Variants in GALNT14 observed in about 807,000 individuals in gnomAD.
GALNT14 encodes polypeptide N-acetylgalactosaminyltransferase 14, also known as UDP-GalNAc:polypeptide N-acetylgalactosaminyltransferase 14.
A neutral mutation model predicts 77.5 loss-of-function variants in GALNT14; 60 were observed. That is an observed-to-expected ratio of 0.77 (90% CI 0.63 to 0.96). The LOEUF is 0.96. Among genes scored for constraint, GALNT14 ranks in the 40% least tolerant of loss-of-function variants. GALNT14 has a pLI of 0.00. For missense variants in GALNT14, 710 were observed against 731.0 expected, an observed-to-expected ratio of 0.97 and a Z score of 0.33; for synonymous variants, 280 against 281.7, an observed-to-expected ratio of 0.99 and a Z score of 0.06.
chr2:31,068,147 C>T (rs1675104549), intron 1 of GALNT14, among the ~76,000 whole-genome samples: 1 of 152,142 alleles, frequency 6.6e-6, no homozygotes, highest in African/African-American at 2.4e-5. Context: ...CCAGCAGACC[C>T]CTATGTTCCA....
In GALNT14 at chr2:30,958,517, T is replaced by TG. The variant is rs1240536006; in HGVS notation, c.399-54dup. 7.8e-6 allele frequency: 11 copies of TG among 1,413,100 alleles called. No individual in the cohort carries two copies. In the African/African-American group the frequency reaches 1.6e-4, roughly 20 times the overall value. The allele number at this position is 1,413,100 out of a possible 1,614,324, so 87.5% of individuals were successfully genotyped here. A position where few individuals can be genotyped will look rare whatever the true frequency, so the allele number is the denominator to read the frequency against. The stretch of plus-strand genomic sequence containing the variant: ...CTGGAACTTCTAGTGGCAAAATATA[T>TG]GTACTAACCCGAGTTTTAAATAGAT... On this transcript the variant is annotated intron_variant, in intron 3 of 14. Transcript: ENST00000349752.
rs1370848030 is a variant in GALNT14 at position 31,035,156 on chromosome 2, GTTCT to G, written c.130-42153_130-42150del. On this transcript the variant is annotated intron_variant, in intron 1 of 14. Transcript: ENST00000349752. Reference sequence around the variant, plus strand: ...TAGTTTGTAGTATTACTATTTCCTTGTTCTTCTGTCTAGCCATTCTACCTATTAT... The same window carrying G: ...TAGTTTGTAGTATTACTATTTCCTTGTCTGTCTAGCCATTCTACCTATTAT... Among the ~76,000 whole-genome samples, 4 of 152,018 alleles carry G rather than the reference GTTCT, an allele frequency of 2.6e-5. No individual in the cohort carries two copies. In the South Asian group the frequency reaches 8.3e-4, roughly 32 times the overall value.
chr2:31,075,827 G>A (rs138836609), intron 1 of GALNT14, among the ~76,000 whole-genome samples: 1 of 152,334 alleles, frequency 6.6e-6, no homozygotes, highest in Non-Finnish European at 1.5e-5. Context: ...GCTGGGCTTT[G>A]CGACTCTGGG....
intron 1 of GALNT14, among the ~76,000 whole-genome samples, chr2:31,010,731 A>G (rs1030576207): frequency 6.6e-6 from 1 of 152,164 alleles, no homozygotes; most frequent in Non-Finnish European, 1.5e-5. Context: ...CTGCCTGATC[A>G]GAACCTGCAA....
At chr2:30,918,214 T>A (rs986483155) in intron 13 of GALNT14, among the ~76,000 whole-genome samples, 2 of 152,240 alleles carry the variant, frequency 1.3e-5, no homozygotes, top group Non-Finnish European at 1.5e-5. Flanking sequence ...TACACTTATA[T>A]GTGTGATTAA....
chr2:31,003,255 A>G (rs1670473836), intron 1 of GALNT14, among the ~76,000 whole-genome samples: 1 of 152,112 alleles, frequency 6.6e-6, no homozygotes, highest in Non-Finnish European at 1.5e-5. Flanking sequence ...TATGAAAGGC[A>G]CTCCTTAAAT....
chr2:30,930,357 C>G (rs897885424), intron 10 of GALNT14, among the ~76,000 whole-genome samples: 1 of 152,234 alleles, frequency 6.6e-6, no homozygotes, highest in African/African-American at 2.4e-5. Flanking sequence ...ATAGGCCATG[C>G]AGTTAGCCTG....
At chr2:31,113,885 G>A (rs1342045265) in intron 1 of GALNT14, among the ~76,000 whole-genome samples, 1 of 152,120 alleles carries the variant, frequency 6.6e-6, no homozygotes, top group Non-Finnish European at 1.5e-5. Context: ...TACAACAGTG[G>A]GCCTTAATAA....
intron 3 of GALNT14, 58 bp downstream of exon 3, chr2:30,966,146 C>T: frequency 7.3e-7 from 1 of 1,374,022 alleles, no homozygotes; most frequent in Admixed American, 1.7e-5. Flanking sequence ...GGGGAGCAGA[C>T]ACACTGTCAC....
chr2:30,983,489 A>C (rs1196342556), intron 2 of GALNT14, among the ~76,000 whole-genome samples: 2 of 152,136 alleles, frequency 1.3e-5, no homozygotes, highest in Non-Finnish European at 1.5e-5. Flanking sequence ...TCCCCAGGTA[A>C]TGTGAAATGT....
chr2:31,053,675 C>T (rs1674036260), intron 1 of GALNT14, among the ~76,000 whole-genome samples: 1 of 152,178 alleles, frequency 6.6e-6, no homozygotes, highest in African/African-American at 2.4e-5. Context: ...CAGTTGCCTG[C>T]TTCCATTACT....
intron 1 of GALNT14, among the ~76,000 whole-genome samples, chr2:31,131,301 C>A (rs1248491773): frequency 6.6e-6 from 1 of 152,148 alleles, no homozygotes. Flanking sequence ...TCACACCCAG[C>A]CCAGGATAAA....
At chr2:31,057,263 C>T (rs919549817) in intron 1 of GALNT14, among the ~76,000 whole-genome samples, 2 of 148,086 alleles carry the variant, frequency 1.4e-5, no homozygotes, top group African/African-American at 2.5e-5. Flanking sequence ...CAAACCTGCA[C>T]ATGTGCCCTA....
intron 1 of GALNT14, among the ~76,000 whole-genome samples, chr2:31,067,469 C>T (rs771220361): frequency 5.3e-5 from 8 of 152,060 alleles, no homozygotes; most frequent in Non-Finnish European, 1.2e-4. Flanking sequence ...TTTGAGCATC[C>T]TCTTCTGAGC....
intron 1 of GALNT14, among the ~76,000 whole-genome samples, chr2:31,083,031 G>T (rs1480965669): frequency 2.0e-5 from 3 of 151,988 alleles, no homozygotes; most frequent in Non-Finnish European, 4.4e-5. Context: ...AAAAGAAAAA[G>T]AAAAAAACAA....
intron 1 of GALNT14, among the ~76,000 whole-genome samples, chr2:31,071,290 A>G (rs1219267482): frequency 3.9e-5 from 6 of 152,222 alleles, no homozygotes; most frequent in East Asian, 1.9e-4. Flanking sequence ...ACCAGGGTCA[A>G]CCAAACATGT....
At chr2:30,913,840 A>G (rs959865732) in intron 13 of GALNT14, among the ~76,000 whole-genome samples, 1 of 152,232 alleles carries the variant, frequency 6.6e-6, no homozygotes, top group Non-Finnish European at 1.5e-5. Context: ...CAGCAGGGCA[A>G]TGGGTACATG....
intron 2 of GALNT14, among the ~76,000 whole-genome samples, chr2:30,973,857 C>G (rs1269607220): frequency 6.6e-6 from 1 of 152,198 alleles, no homozygotes; most frequent in African/African-American, 2.4e-5. Flanking sequence ...AGACCCTTAA[C>G]ATAACAGTGA....
intron 2 of GALNT14, among the ~76,000 whole-genome samples, chr2:30,989,666 A>G (rs1184446757): frequency 8.3e-6 from 1 of 121,150 alleles, no homozygotes; most frequent in South Asian, 2.4e-4. Flanking sequence ...AAATATATAT[A>G]TTAGTATATA....
Sources: gnomAD v4.1 joint callset for allele counts (sites outside exome capture counted in the v4.1 genomes callset) on GRCh38, gnomAD v4.1.1 for gene constraint, MANE v1.5 for transcripts, NCBI Gene and HGNC (gene_info 2026-07-23, HGNC 2026-07-21) for gene names.